Variants in ALPL observed in about 807,000 individuals in gnomAD.
ALPL encodes the protein alkaline phosphatase, tissue-nonspecific isozyme.
In ALPL, 42 loss-of-function variants were observed where a neutral mutation model predicts 51.3. The observed-to-expected ratio is 0.82, with a 90% CI of 0.64 to 1.06. The LOEUF (loss-of-function observed/expected upper bound fraction) is 1.06, where lower values mean the gene tolerates loss of function less well. Among genes scored for constraint, ALPL ranks in the 50% least tolerant of loss-of-function variants. The pLI is 0.00. For synonymous variants in ALPL, 279 were observed against 296.4 expected, an observed-to-expected ratio of 0.94 and a Z score of 0.60; for missense variants, 589 against 709.4, an observed-to-expected ratio of 0.83 and a Z score of 1.93.
intron 1 of ALPL, among the ~76,000 whole-genome samples, chr1:21,527,675 G>C (rs1296651750): frequency 6.6e-6 from 1 of 151,062 alleles, no homozygotes; most frequent in African/African-American, 2.4e-5. Flanking sequence ...TCAGCTTCCT[G>C]AATAGCTGGG....
chr1:21,520,516 G>A (rs1254260402), intron 1 of ALPL, among the ~76,000 whole-genome samples: 1 of 131,886 alleles, frequency 7.6e-6, no homozygotes, highest in African/African-American at 2.9e-5. Flanking sequence ...CGCCCAGGAT[G>A]GAGTGCAGTG....
intron 1 of ALPL, among the ~76,000 whole-genome samples, chr1:21,510,816 C>T (rs977040157): frequency 6.6e-6 from 1 of 152,222 alleles, no homozygotes; most frequent in Admixed American, 6.5e-5. Context: ...CCACGCTGTC[C>T]TGCCCCAGCC....
chr1:21,555,253 C>T (rs1644397963), intron 2 of ALPL, among the ~76,000 whole-genome samples: 2 of 152,104 alleles, frequency 1.3e-5, no homozygotes, highest in African/African-American at 2.4e-5. Flanking sequence ...AGGCAAGGAC[C>T]GGCCATTTTC....
At chr1:21,510,319 T>C (rs1309127050) in intron 1 of ALPL, among the ~76,000 whole-genome samples, 1 of 152,014 alleles carries the variant, frequency 6.6e-6, no homozygotes, top group East Asian at 1.9e-4. Context: ...TTTCAACACA[T>C]AATGGGGTCG....
At chr1:21,540,287 T>TC (rs1644165654) in intron 1 of ALPL, among the ~76,000 whole-genome samples, 1 of 151,628 alleles carries the variant, frequency 6.6e-6, no homozygotes, top group South Asian at 2.1e-4. Flanking sequence ...GCTATCTCCC[T>TC]CCCCTGCGAT....
At chr1:21,515,978 A>T (rs1210374015) in intron 1 of ALPL, among the ~76,000 whole-genome samples, 1 of 152,110 alleles carries the variant, frequency 6.6e-6, no homozygotes, top group African/African-American at 2.4e-5. Context: ...TCCTGGACTC[A>T]AGCAATCCTC....
intron 1 of ALPL, among the ~76,000 whole-genome samples, chr1:21,539,552 C>T (rs532472617): frequency 6.6e-6 from 1 of 152,286 alleles, no homozygotes; most frequent in South Asian, 2.1e-4. Flanking sequence ...GTAATTGCCC[C>T]CCAAATCCTC....
chr1:21,529,510 C>T (rs1351935695), intron 1 of ALPL, among the ~76,000 whole-genome samples: 2 of 152,150 alleles, frequency 1.3e-5, no homozygotes, highest in African/African-American at 4.8e-5. Flanking sequence ...GCCACCAAGC[C>T]TGGCCAATTT....
At chr1:21,573,618 C>T (rs746572469) in intron 8 of ALPL, 47 bp from the exon 9 acceptor site, 16 of 1,609,034 alleles carry the variant, frequency 9.9e-6, no homozygotes, top group Middle Eastern at 3.5e-4. Flanking sequence ...TCCTCCTAGC[C>T]GGGTCACAGC....
chr1:21,532,243 G>A (rs1192609215), intron 1 of ALPL, among the ~76,000 whole-genome samples: 2 of 152,094 alleles, frequency 1.3e-5, no homozygotes, highest in Admixed American at 6.5e-5. Context: ...CCAGGCTGGA[G>A]TGCAATGGTG....
At chr1:21,510,605 TTAAG>T in intron 1 of ALPL, among the ~76,000 whole-genome samples, 1 of 152,180 alleles carries the variant, frequency 6.6e-6, no homozygotes, top group Non-Finnish European at 1.5e-5. Context: ...CTTAGACAAT[TTAAG>T]TAAGTGGTGG....
intron 1 of ALPL, among the ~76,000 whole-genome samples, chr1:21,537,828 G>A (rs114218394): frequency 6.6e-6 from 1 of 152,166 alleles, no homozygotes; most frequent in Non-Finnish European, 1.5e-5. Context: ...CTCCTGAGCC[G>A]GAGCTGATCA....
At chr1:21,536,368 C>T (rs1048023075) in intron 1 of ALPL, among the ~76,000 whole-genome samples, 1 of 152,194 alleles carries the variant, frequency 6.6e-6, no homozygotes, top group Non-Finnish European at 1.5e-5. Context: ...CAATCTAAAG[C>T]GCTGAGAAAA....
At chr1:21,563,021 C>T in intron 4 of ALPL, 89 bp from the exon 5 acceptor site, 2 of 1,555,744 alleles carry the variant, frequency 1.3e-6, no homozygotes, top group Admixed American at 3.3e-5. Flanking sequence ...GTCCCTCACG[C>T]CCCAGTCCCC....
rs945375518 is a variant in ALPL at position 21,509,642 on chromosome 1, C to T, written c.-105+125C>T. 6.5e-6 allele frequency: 1 copy of T among 152,766 alleles called. No individual in the cohort carries two copies. Among genetic ancestry groups the T allele is most frequent in the Non-Finnish European group, 1.5e-5 (1 of 68,530 alleles). 9.5% of individuals were successfully genotyped at this position (152,766 alleles called of 1,614,324 possible). ...AATGGCAGGGCCGGGGTCTCCAGCG[C>T]CACGCCGCCCACAGCAGCCCATTCG... On this transcript the variant is annotated intron_variant, in intron 1 of 11. Transcript: ENST00000374840. The surrounding 1 kb of genome is among the most constrained non-coding windows in gnomAD (Gnocchi z 6.0).
chr1:21,535,754 C>T (rs1456635875), intron 1 of ALPL, among the ~76,000 whole-genome samples: 2 of 152,190 alleles, frequency 1.3e-5, no homozygotes, highest in Non-Finnish European at 2.9e-5. Flanking sequence ...TCTGACTGCT[C>T]CTGAGTGGAA....
At chr1:21,552,114 T>TCCCCCCCCCCCCCCCC (rs1244827813) in intron 1 of ALPL, among the ~76,000 whole-genome samples, 1 of 51,434 alleles carries the variant, frequency 1.9e-5, no homozygotes, top group Non-Finnish European at 3.6e-5. Flanking sequence ...TTTCCTCCCC[T>TCCCCCCCCCCCCCCCC]TCCCTTTCCT....
intron 4 of ALPL, 30 bp from the exon 5 acceptor site, chr1:21,563,080 C>T (rs757768166): frequency 8.1e-6 from 13 of 1,613,172 alleles, no homozygotes; most frequent in Non-Finnish European, 9.3e-6. Context: ...AAGGCCTGGC[C>T]ATCTCCTGAC....
rs761753019 is a variant in ALPL at position 21,568,236 on chromosome 1, C to A, written c.781C>A (p.Pro261Thr). ...CGTTGACACCTGGAAGAGCTTCAAA[C>A]CGAGATACAAGGTAGCCTGTGCTGG... ...DLVDTWKSFK[P>T]RYKHSHFIWN... Residue 261 changes from proline (P) to threonine (T), a missense_variant, in exon 7 of 12, where the codon CCG becomes ACG. By Grantham distance (38) the Pro-to-Thr change is conservative. Transcript: ENST00000374840. 3 of 1,614,032 alleles carry A rather than the reference C, an allele frequency of 1.9e-6. No homozygotes were observed. The highest frequency in any genetic ancestry group is 2.5e-6 in the Non-Finnish European group (3 of 1,180,000).
Sources: gnomAD v4.1 joint callset for allele counts (sites outside exome capture counted in the v4.1 genomes callset) on GRCh38, gnomAD v4.1.1 for gene constraint, Gnocchi (gnomAD v3.1) non-coding constraint, MANE v1.5 for transcripts, NCBI Gene and HGNC (gene_info 2026-07-23, HGNC 2026-07-21) for gene names.